The following SYN3 variants were observed in gnomAD, a reference collection of about 807,000 sequenced individuals.
SYN3 encodes the protein synapsin III, also known as synapsin-3.
Under a neutral mutation model 65.8 loss-of-function variants are expected in SYN3, and 35 were observed. That is an observed-to-expected ratio of 0.53 (90% CI 0.41 to 0.70). SYN3 has a LOEUF of 0.70. Among genes scored for constraint, SYN3 ranks in the 30% least tolerant of loss-of-function variants. The pLI is 0.00. For missense variants in SYN3, 680 were observed against 749.0 expected, an observed-to-expected ratio of 0.91 and a Z score of 1.08; for synonymous variants, 270 against 292.9, an observed-to-expected ratio of 0.92 and a Z score of 0.80.
chr22:32,793,402 A>G (rs2046363793), intron 6 of SYN3, among the ~76,000 whole-genome samples: 1 of 152,124 alleles, frequency 6.6e-6, no homozygotes, highest in African/African-American at 2.4e-5. Context: ...TCTTACCATA[A>G]TCTGAGTTCC....
At chr22:32,583,542 A>T (rs2058979425) in intron 7 of SYN3, 1 of 152,282 alleles carries the variant, frequency 6.6e-6, no homozygotes, top group Non-Finnish European at 1.5e-5. Context: ...CCTGGCATGG[A>T]TGCCAGAATC....
rs2053211796 is a variant in SYN3 at position 33,006,811 on chromosome 22, C to T, written c.-149G>A. ...CGCAACCAGCAGTCAGCTTTAGCTG[C>T]CTTTATTTACCTGCTGGAAATAAGC... On this transcript the variant is annotated 5_prime_UTR_variant, in exon 2 of 14. Coordinates refer to ENST00000358763, the MANE Select transcript of SYN3 (RefSeq NM_003490.4). 1 of 642,984 alleles carries T rather than the reference C, an allele frequency of 1.6e-6. No homozygotes were observed. The highest frequency in any genetic ancestry group is 2.8e-5 in the East Asian group (1 of 36,284). 39.8% of individuals were successfully genotyped at this position (642,984 alleles called of 1,614,324 possible). A position where few individuals can be genotyped will look rare whatever the true frequency, so the allele number is the denominator to read the frequency against.
At chr22:33,028,373 A>G (rs531043197) in intron 1 of SYN3, among the ~76,000 whole-genome samples, 2 of 152,354 alleles carry the variant, frequency 1.3e-5, no homozygotes, top group Admixed American at 6.5e-5. Context: ...GCTAATGCGC[A>G]CCAGCTTCAG....
chr22:32,785,406 G>A (rs2046168403), intron 6 of SYN3, among the ~76,000 whole-genome samples: 1 of 152,016 alleles, frequency 6.6e-6, no homozygotes, highest in African/African-American at 2.4e-5. Flanking sequence ...TTTTGTTCTT[G>A]GCCAAAGGGA....
At chr22:32,878,550 G>A (rs1601606080) in intron 4 of SYN3, among the ~76,000 whole-genome samples, 1 of 152,140 alleles carries the variant, frequency 6.6e-6, no homozygotes, top group East Asian at 1.9e-4. Context: ...TGATTTCCCT[G>A]CCACTACCCC....
chr22:32,651,855 C>CA (rs2060076185), intron 6 of SYN3, among the ~76,000 whole-genome samples: 1 of 152,150 alleles, frequency 6.6e-6, no homozygotes, highest in African/African-American at 2.4e-5. Flanking sequence ...AGTGTGGTTC[C>CA]ACCATGAGCC....
intron 7 of SYN3, among the ~76,000 whole-genome samples, chr22:32,558,826 G>A (rs796797358): frequency 3.0e-4 from 45 of 152,326 alleles, no homozygotes; most frequent in African/African-American, 7.9e-4. Context: ...TAACATGGCC[G>A]GGGCTCTGGG....
In SYN3 at chr22:32,952,133, C is replaced by G. The variant is rs528618784; in HGVS notation, c.370-20652G>C. 2.0e-5 allele frequency among the ~76,000 whole-genome samples: 3 copies of G among 152,314 alleles called. No individual in the cohort carries two copies. In the South Asian group the frequency reaches 6.2e-4, roughly 32 times the overall value. Reference sequence around the variant, plus strand: ...GAAAAAGGCTTTGAGAGTCTGCCCACTCACCTAGCAGCCCATTCCAGATGA... The same window carrying G: ...GAAAAAGGCTTTGAGAGTCTGCCCAGTCACCTAGCAGCCCATTCCAGATGA... On this transcript the variant is annotated intron_variant, in intron 3 of 13. Coordinates refer to ENST00000358763, the MANE Select transcript of SYN3 (RefSeq NM_003490.4).
chr22:32,930,594 G>A (rs2050600243), intron 4 of SYN3, among the ~76,000 whole-genome samples: 1 of 151,990 alleles, frequency 6.6e-6, no homozygotes, highest in Admixed American at 6.6e-5. Context: ...CCCAGCCTGA[G>A]AATGTCCACA....
intron 6 of SYN3, among the ~76,000 whole-genome samples, chr22:32,828,818 A>AGCG (rs941216595): frequency 3.9e-5 from 6 of 152,164 alleles, no homozygotes; most frequent in African/African-American, 1.4e-4. Context: ...TGCTGGAGCC[A>AGCG]GCGGTGGGGA....
chr22:32,908,644 G>A (rs1001679152), intron 4 of SYN3, among the ~76,000 whole-genome samples: 5 of 152,086 alleles, frequency 3.3e-5, no homozygotes, highest in Admixed American at 3.3e-4. Flanking sequence ...AGTTTTATTA[G>A]GACACAGCTA....
chr22:32,857,964 G>A (rs955096382), intron 6 of SYN3: 11 of 1,613,670 alleles, frequency 6.8e-6, no homozygotes, highest in African/African-American at 1.3e-5. Context: ...ATTCTCTCTG[G>A]GCTAGGCTCT....
chr22:32,547,699 A>G (rs1423767872), intron 7 of SYN3, among the ~76,000 whole-genome samples: 1 of 152,216 alleles, frequency 6.6e-6, no homozygotes, highest in East Asian at 1.9e-4. Flanking sequence ...AGGAGTCAGG[A>G]TGCAATTCCA....
At chr22:32,672,784 C>A (rs925336646) in intron 6 of SYN3, among the ~76,000 whole-genome samples, 1 of 152,202 alleles carries the variant, frequency 6.6e-6, no homozygotes, top group African/African-American at 2.4e-5. Flanking sequence ...CTGGGTGGGG[C>A]CTGGGGAGCC....
chr22:32,842,756 T>C (rs1195553745), intron 6 of SYN3, among the ~76,000 whole-genome samples: 1 of 152,336 alleles, frequency 6.6e-6, no homozygotes, highest in East Asian at 1.9e-4. Context: ...CATGAAAGCC[T>C]TGCCGGGGAG....
At chr22:32,722,742 C>T (rs1300455390) in intron 6 of SYN3, among the ~76,000 whole-genome samples, 1 of 152,186 alleles carries the variant, frequency 6.6e-6, no homozygotes. Context: ...CACTGCCAGT[C>T]CCCCAAACCC....
intron 3 of SYN3, among the ~76,000 whole-genome samples, chr22:32,969,352 T>G (rs1198995107): frequency 6.6e-6 from 1 of 152,184 alleles, no homozygotes; most frequent in Non-Finnish European, 1.5e-5. Flanking sequence ...TCAACCTTGG[T>G]TTCAGCATTC....
Position 32,543,537 on chromosome 22 carries a change from C to T in SYN3, c.775-1824G>A, listed in dbSNP as rs906058516. ...AATAAAGGTGACCAGGCAAGAGTTC[C>T]CTATTTTCCAGCCCTTTTCAAACTC... On this transcript the variant is annotated intron_variant, in intron 7 of 13. Transcript: ENST00000358763. 3.3e-5 allele frequency among the ~76,000 whole-genome samples: 5 copies of T among 152,250 alleles called. No homozygotes were observed. The East Asian group carries it at 9.7e-4, about 29-fold the overall frequency.
intron 6 of SYN3, among the ~76,000 whole-genome samples, chr22:32,598,572 G>C (rs918851296): frequency 1.3e-5 from 2 of 152,130 alleles, no homozygotes; most frequent in African/African-American, 4.8e-5. Context: ...TGTAATCTCT[G>C]CCTCCTGGGT....
Sources: allele counts gnomAD v4.1 joint callset (sites outside exome capture counted in the v4.1 genomes callset), GRCh38; gene constraint gnomAD v4.1.1; transcripts MANE v1.5; gene names NCBI Gene and HGNC (gene_info 2026-07-23, HGNC 2026-07-21).